KMT5B: variants seen among roughly 807,000 people sequenced by gnomAD.
KMT5B encodes lysine methyltransferase 5B.
KMT5B carries 10 observed loss-of-function variants against 83.2 expected under a neutral mutation model. The ratio of observed to expected loss-of-function variants is 0.12; its 90% CI spans 0.07 to 0.20. The LOEUF is 0.20. KMT5B is among the 10% of genes least tolerant of loss of function. The pLI, the probability that KMT5B is intolerant of heterozygous loss-of-function variation, is 1.00. For missense variants in KMT5B, 753 were observed against 1,067.2 expected (o/e 0.71, Z 4.10); for synonymous variants, 349 against 388.8 (o/e 0.90, Z 1.20).
chr11:68,194,377 G>A (rs557259934), intron 1 of KMT5B, among the ~76,000 whole-genome samples: 31 of 152,008 alleles, frequency 2.0e-4, no homozygotes, highest in Non-Finnish European at 4.3e-4. Flanking sequence ...TTTTTTAGTA[G>A]AGACAGAGTT....
chr11:68,197,823 C>A (rs1858905350), intron 1 of KMT5B, among the ~76,000 whole-genome samples: 1 of 152,098 alleles, frequency 6.6e-6, no homozygotes, highest in Non-Finnish European at 1.5e-5. Flanking sequence ...CTCCACAGGT[C>A]CATATGATAA....
rs994147254 is a variant in KMT5B at position 68,213,128 on chromosome 11, C to G, written c.-77+10G>C. 4.3e-5 allele frequency: 6 copies of G among 140,644 alleles called. No homozygotes were observed. Among genetic ancestry groups the G allele is most frequent in the African/African-American group, 1.5e-4 (6 of 39,056 alleles). 8.7% of individuals were successfully genotyped at this position (140,644 alleles called of 1,614,324 possible). A position where few individuals can be genotyped will look rare whatever the true frequency, so the allele number is the denominator to read the frequency against. On this transcript the variant is annotated intron_variant, in intron 1 of 10. Transcript: ENST00000304363. Reference sequence around the variant, plus strand: ...CACCCTCGCCGGCGCCCGCCCCTCCCCCGACTCACCGCCTGCGCCGCCCCG... The same window carrying G: ...CACCCTCGCCGGCGCCCGCCCCTCCGCCGACTCACCGCCTGCGCCGCCCCG...
chr11:68,158,563 C>T lies in KMT5B; in HGVS notation c.1783G>A (p.Ala595Thr). ...LQEEELAHET[A>T]QKGEAKCHKS... ...TGACACTTTGCCTCCCCTTTTTGTGCAGTCTCATGAGCCAGTTCTTCCTCC... is the reference window on the plus strand; with the variant it reads ...TGACACTTTGCCTCCCCTTTTTGTGTAGTCTCATGAGCCAGTTCTTCCTCC... The change falls in exon 11 of 11, where the codon GCA becomes ACA. Residue 595 changes from alanine (A) to threonine (T), a missense_variant. Physicochemically the swap from Ala to Thr is moderately conservative, Grantham distance 58. Around this residue, in one of 9 missense-constraint regions of KMT5B, gnomAD observed 397 missense variants for 395.9 expected, o/e 1.00. Transcript: ENST00000304363. The T allele has an allele frequency of 1.9e-6, 3 of 1,614,144 alleles. No individual in the cohort carries two copies. The highest frequency in any genetic ancestry group is 1.1e-5 in the South Asian group (1 of 91,082).
At position 68,199,127 on chromosome 11, in the gene KMT5B, C is replaced by T. The variant is rs561579799; in HGVS notation, c.-76-8975G>A. On this transcript the variant is annotated intron_variant, in intron 1 of 10. Transcript: ENST00000304363. The stretch of plus-strand genomic sequence containing the variant: ...AGTTACAAATCCTGTTCTGATTTCC[C>T]AATATAAAAATGTCAGGAAAATTAG... 4.0e-4 allele frequency among the ~76,000 whole-genome samples: 61 copies of T among 152,028 alleles called. 1 individual carries two copies. The highest frequency in any genetic ancestry group is 1.4e-3 in the African/African-American group (59 of 41,462).
chr11:68,211,720 A>T (rs1016924836), intron 1 of KMT5B, among the ~76,000 whole-genome samples: 1 of 152,188 alleles, frequency 6.6e-6, no homozygotes, highest in African/African-American at 2.4e-5. Context: ...ACAAGAGTGT[A>T]CGGGGTGGAG....
chr11:68,158,414 A>C lies in KMT5B; in HGVS notation c.1932T>G (p.Asp644Glu). The stretch of plus-strand genomic sequence containing the variant: ...CCTGGTCAGAATGGGGACCCATCAA[A>C]TCTGGTACCGCGTCGTCTTTTCCAG... Reference protein sequence around the residue: ...DSPGKDDAVPDLMGPHSDQGE... With the variant: ...DSPGKDDAVPELMGPHSDQGE... The change falls in exon 11 of 11, where the codon GAT (aspartate) becomes GAG (glutamate). Residue 644 changes from aspartate (D) to glutamate (E), a missense_variant. Physicochemically the swap from Asp to Glu is conservative, Grantham distance 45. Around this residue, in one of 9 missense-constraint regions of KMT5B, gnomAD observed 397 missense variants for 395.9 expected, o/e 1.00. Coordinates refer to ENST00000304363, the MANE Select transcript of KMT5B (RefSeq NM_017635.5). 1 of 1,614,142 alleles carries C rather than the reference A, an allele frequency of 6.2e-7. No homozygotes were observed. The highest frequency in any genetic ancestry group is 1.1e-5 in the South Asian group (1 of 91,082).
At position 68,158,025 on chromosome 11, in the gene KMT5B, G is replaced by C. The variant is rs1859426342; in HGVS notation, c.2321C>G (p.Ser774Cys). 6.2e-7 allele frequency: 1 copy of C among 1,613,944 alleles called. No individual in the cohort carries two copies. Among genetic ancestry groups the C allele is most frequent in the Non-Finnish European group, 8.5e-7 (1 of 1,180,024 alleles). ...TTTTAGCTGGATTTTTAATTTTGTA[G>C]AACTACTGCCTGATCCTGAGTTAAA... is the stretch of plus-strand genomic sequence containing the variant. Reference protein sequence around the residue: ...NGFNSGSGSSSTKLKIQLKRD... With the variant: ...NGFNSGSGSSCTKLKIQLKRD... Residue 774 changes from serine to cysteine, a missense_variant, in exon 11 of 11, where the codon TCT (serine) becomes TGT (cysteine). By Grantham distance (112) the Ser-to-Cys change is moderately radical. Around this residue, in one of 9 missense-constraint regions of KMT5B, gnomAD observed 161 missense variants for 195.1 expected, o/e 0.83. Transcript: ENST00000304363.
intron 4 of KMT5B, among the ~76,000 whole-genome samples, chr11:68,176,216 AATTGAAAAGGCTTCC>A (rs1289716920): frequency 6.6e-6 from 1 of 152,086 alleles, no homozygotes; most frequent in Non-Finnish European, 1.5e-5. Flanking sequence ...GCAGGGGTAG[AATTGAAAAGGCTTCC>A]ATTGTAGAAT....
At chr11:68,164,952 T>C (rs1855183806) in intron 10 of KMT5B, among the ~76,000 whole-genome samples, 1 of 152,226 alleles carries the variant, frequency 6.6e-6, no homozygotes, top group Admixed American at 6.5e-5. Flanking sequence ...GTATTTAGTT[T>C]GTTAATATAT....
At chr11:68,161,173 C>T (rs1854827816) in intron 10 of KMT5B, among the ~76,000 whole-genome samples, 1 of 151,910 alleles carries the variant, frequency 6.6e-6, no homozygotes, top group South Asian at 2.1e-4. Context: ...TCCACTGGAA[C>T]TATACAGAAC....
At chr11:68,191,173 TTGTGTGTGTGTGTGTGTGTG>T (rs71040600) in intron 1 of KMT5B, among the ~76,000 whole-genome samples, 1 of 139,172 alleles carries the variant, frequency 7.2e-6, no homozygotes, top group African/African-American at 2.7e-5. Flanking sequence ...TTTTAAAACT[TTGTGTGTGTGTGTGTGTGTG>T]TGTGTGTGTG....
intron 4 of KMT5B, among the ~76,000 whole-genome samples, chr11:68,178,973 A>G (rs58904918): frequency 0.017 from 2,572 of 152,328 alleles, 74 homozygotes; most frequent in African/African-American, 0.058. Flanking sequence ...ATAAGGCCCA[A>G]CAAGGCTGAG....
At chr11:68,184,155 G>A (rs1472131466) in intron 3 of KMT5B, among the ~76,000 whole-genome samples, 1 of 152,066 alleles carries the variant, frequency 6.6e-6, no homozygotes, top group East Asian at 1.9e-4. Context: ...TGGATCACCT[G>A]AGGTCAGGAG....
chr11:68,180,585 C>T (rs1320772420), intron 3 of KMT5B, among the ~76,000 whole-genome samples: 1 of 152,122 alleles, frequency 6.6e-6, no homozygotes, highest in East Asian at 1.9e-4. Flanking sequence ...AAGGACTGTA[C>T]AGGCTGACAT....
chr11:68,187,257 C>A (rs1310067330), intron 2 of KMT5B, among the ~76,000 whole-genome samples: 1 of 152,174 alleles, frequency 6.6e-6, no homozygotes, highest in Non-Finnish European at 1.5e-5. Flanking sequence ...CTCAGCCTCC[C>A]AAACTGCTGG....
At chr11:68,202,966 G>C (rs533445233) in intron 1 of KMT5B, among the ~76,000 whole-genome samples, 64 of 151,964 alleles carry the variant, frequency 4.2e-4, no homozygotes, top group Non-Finnish European at 7.5e-4. Flanking sequence ...CGGGTCATAT[G>C]GTAATTCTAT....
At chr11:68,175,629 A>C (rs1048888878) in intron 4 of KMT5B, among the ~76,000 whole-genome samples, 1 of 152,198 alleles carries the variant, frequency 6.6e-6, no homozygotes, top group African/African-American at 2.4e-5. Flanking sequence ...AATCTTTTTA[A>C]AACATGCAAA....
intron 1 of KMT5B, among the ~76,000 whole-genome samples, chr11:68,197,440 AATAG>A (rs2153080051): frequency 6.6e-6 from 1 of 152,340 alleles, no homozygotes; most frequent in East Asian, 1.9e-4. Context: ...TAGGGCAAAG[AATAG>A]ATACAAAATT....
chr11:68,166,137 A>T (rs1371502521), intron 10 of KMT5B: 10 of 1,422,568 alleles, frequency 7.0e-6, no homozygotes, highest in Non-Finnish European at 9.2e-6. Context: ...TCTCAGAGAC[A>T]AGTGAGACTC....
Sources: gnomAD v4.1 joint callset for allele counts (sites outside exome capture counted in the v4.1 genomes callset) on GRCh38, gnomAD v4.1.1 for gene constraint, gnomAD v4.1.1 regional missense constraint, MANE v1.5 for transcripts, NCBI Gene and HGNC (gene_info 2026-07-23, HGNC 2026-07-21) for gene names.